Variants in EXOC4 observed in about 807,000 individuals in gnomAD.
EXOC4 encodes the protein SEC8-like 1.
EXOC4 carries 71 observed loss-of-function variants against 107.2 expected under a neutral mutation model. The ratio of observed to expected loss-of-function variants is 0.66; its 90% CI spans 0.55 to 0.81. The LOEUF (loss-of-function observed/expected upper bound fraction) is 0.81. EXOC4 is among the 30% of genes least tolerant of loss of function. The probability of loss-of-function intolerance (pLI) is 0.00; values close to 1 mark genes in which losing one functional copy is unlikely to be tolerated. For missense variants in EXOC4, 1,108 were observed against 1,189.6 expected (o/e 0.93, Z 1.01); for synonymous variants, 456 against 441.2 (o/e 1.03, Z -0.42).
intron 7 of EXOC4, among the ~76,000 whole-genome samples, chr7:133,392,106 C>T (rs186211072): frequency 6.6e-6 from 1 of 152,238 alleles, no homozygotes; most frequent in East Asian, 1.9e-4. Context: ...AGGATATTCC[C>T]CTAGGAAAAT....
chr7:133,403,242 C>T (rs1797134633), intron 7 of EXOC4, among the ~76,000 whole-genome samples: 1 of 152,202 alleles, frequency 6.6e-6, no homozygotes, highest in African/African-American at 2.4e-5. Context: ...ACTGTACACA[C>T]ATGTTCACAC....
At chr7:133,678,735 C>T (rs1794120354) in intron 10 of EXOC4, among the ~76,000 whole-genome samples, 1 of 152,092 alleles carries the variant, frequency 6.6e-6, no homozygotes, top group African/African-American at 2.4e-5. Flanking sequence ...CTCAGGCTCC[C>T]AGGTGGCTGG....
rs547702944 is a variant in EXOC4 at position 133,371,394 on chromosome 7, A to G, written c.1008-3434A>G. On this transcript the variant is annotated intron_variant, in intron 6 of 17. Coordinates refer to ENST00000253861, the MANE Select transcript of EXOC4 (RefSeq NM_021807.4). ...AACAAATCCCGTATACTTATCAGTCAGTTCCCACCCACCCCCAGCCTAAGT... is the reference window on the plus strand; with the variant it reads ...AACAAATCCCGTATACTTATCAGTCGGTTCCCACCCACCCCCAGCCTAAGT... Among the ~76,000 whole-genome samples, 6 of 152,286 alleles carry G rather than the reference A, an allele frequency of 3.9e-5. No individual in the cohort carries two copies. The South Asian group carries it at 1.2e-3, about 32-fold the overall frequency.
rs138061762 is a variant in EXOC4 at position 133,611,725 on chromosome 7, T to C, written c.1418-18320T>C. Among the ~76,000 whole-genome samples, 290 of 152,262 alleles carry C rather than the reference T, an allele frequency of 1.9e-3. 2 individuals carry two copies. The highest frequency in any genetic ancestry group is 6.4e-3 in the African/African-American group (267 of 41,548). Reference sequence around the variant, plus strand: ...TACCCATTCTTCAGGTCTCTGTGTGTCATTTCCATGAAATGAAGCCTGAAA... The same window carrying C: ...TACCCATTCTTCAGGTCTCTGTGTGCCATTTCCATGAAATGAAGCCTGAAA... On this transcript the variant is annotated intron_variant, in intron 9 of 17. Coordinates refer to ENST00000253861, the MANE Select transcript of EXOC4 (RefSeq NM_021807.4).
At position 133,665,765 on chromosome 7, in the gene EXOC4, T is replaced by C. The variant is rs568921052; in HGVS notation, c.1514+35624T>C. On this transcript the variant is annotated intron_variant, in intron 10 of 17. Coordinates refer to ENST00000253861, the MANE Select transcript of EXOC4 (RefSeq NM_021807.4). The stretch of plus-strand genomic sequence containing the variant: ...AATATAAAACCCTGGTATGACTCTT[T>C]TCTATAAATTCAGTTTTATTGCCTT... 1.4e-3 allele frequency among the ~76,000 whole-genome samples: 206 copies of C among 152,292 alleles called. 1 individual carries two copies. The highest frequency in any genetic ancestry group is 4.6e-3 in the African/African-American group (191 of 41,572).
At chr7:133,462,129 A>G (rs1004916659) in intron 7 of EXOC4, among the ~76,000 whole-genome samples, 5 of 152,190 alleles carry the variant, frequency 3.3e-5, no homozygotes, top group African/African-American at 1.2e-4. Flanking sequence ...AACATATTTT[A>G]CAATTTTCAT....
At chr7:134,097,962 C>A in the EXOC4 span, among the ~76,000 whole-genome samples, 1 of 152,120 alleles carries the variant, frequency 6.6e-6, no homozygotes, top group Non-Finnish European at 1.5e-5. Flanking sequence ...CTACTGGATT[C>A]TCAGATTCCA....
intron 11 of EXOC4, among the ~76,000 whole-genome samples, chr7:133,840,177 C>T (rs1049358153): frequency 2.6e-5 from 4 of 152,176 alleles, no homozygotes; most frequent in African/African-American, 9.7e-5. Flanking sequence ...GATACATTTT[C>T]ATATATACCT....
chr7:133,292,719 A>G (rs1178087490), intron 3 of EXOC4, among the ~76,000 whole-genome samples: 2 of 152,152 alleles, frequency 1.3e-5, no homozygotes, highest in Admixed American at 6.6e-5. Flanking sequence ...TCATTTTAAT[A>G]TAATTCCTTT....
In EXOC4 at chr7:133,907,823, G is replaced by A. The variant is rs10266345; in HGVS notation, c.1872-9760G>A. Among the ~76,000 whole-genome samples, 181 of 53,742 alleles carry A rather than the reference G, an allele frequency of 3.4e-3. 2 individuals are homozygous for A. The Middle Eastern group carries it at 0.04, about 12-fold the overall frequency. The allele number at this position is 53,742 out of a possible 152,430, so 35.3% of individuals were successfully genotyped here. The stretch of plus-strand genomic sequence containing the variant: ...AAAGAAAGAGAGAGAAGAAGGAGGA[G>A]GAGGAGGAAGAGGAGGAGAAGGAGA... On this transcript the variant is annotated intron_variant, in intron 12 of 17. Transcript: ENST00000253861.
chr7:133,927,198 G>T (rs986569675), intron 13 of EXOC4, among the ~76,000 whole-genome samples: 5 of 151,216 alleles, frequency 3.3e-5, no homozygotes, highest in Admixed American at 1.3e-4. Context: ...TACATGCATA[G>T]TAAGAAATTC....
intron 10 of EXOC4, among the ~76,000 whole-genome samples, chr7:133,713,302 A>G (rs1278504284): frequency 6.6e-6 from 1 of 152,224 alleles, no homozygotes; most frequent in Non-Finnish European, 1.5e-5. Context: ...AATATGGACC[A>G]TGTTCATTCC....
chr7:133,691,511 T>G (rs1467047287), intron 10 of EXOC4, among the ~76,000 whole-genome samples: 1 of 152,186 alleles, frequency 6.6e-6, no homozygotes, highest in Non-Finnish European at 1.5e-5. Flanking sequence ...ATAATACATA[T>G]TTACTGAGTA....
At chr7:133,813,030 C>T (rs1268650979) in intron 10 of EXOC4, among the ~76,000 whole-genome samples, 1 of 152,180 alleles carries the variant, frequency 6.6e-6, no homozygotes, top group Admixed American at 6.5e-5. Context: ...AGGTCCCTTG[C>T]CGCTCTGAAA....
chr7:133,254,787 G>C (rs7777691), intron 1 of EXOC4, among the ~76,000 whole-genome samples: 21,550 of 152,088 alleles, frequency 0.14, 3,102 homozygotes, highest in African/African-American at 0.36. Context: ...TGGAAATCCA[G>C]GAGGAGTGGC....
chr7:133,590,941 G>C (rs989384055), intron 9 of EXOC4, among the ~76,000 whole-genome samples: 4 of 152,176 alleles, frequency 2.6e-5, no homozygotes, highest in Non-Finnish European at 5.9e-5. Flanking sequence ...CACAGATCAT[G>C]GGCAGGGACC....
intron 10 of EXOC4, among the ~76,000 whole-genome samples, chr7:133,689,543 A>G (rs535361177): frequency 6.6e-6 from 1 of 152,340 alleles, no homozygotes; most frequent in Non-Finnish European, 1.5e-5. Context: ...ACTTGATAGG[A>G]TTATTGCTGA....
intron 10 of EXOC4, among the ~76,000 whole-genome samples, chr7:133,664,792 G>A (rs1793774907): frequency 6.6e-6 from 1 of 152,040 alleles, no homozygotes; most frequent in African/African-American, 2.4e-5. Flanking sequence ...ATGGGTCTCT[G>A]TAGGCTGAGC....
chr7:133,401,106 C>A (rs1384082447), intron 7 of EXOC4, among the ~76,000 whole-genome samples: 1 of 151,634 alleles, frequency 6.6e-6, no homozygotes, highest in Non-Finnish European at 1.5e-5. Flanking sequence ...CTGGGGTGTG[C>A]CTAAGAATCT....
Sources: gnomAD v4.1 joint callset for allele counts (sites outside exome capture counted in the v4.1 genomes callset) on GRCh38, gnomAD v4.1.1 for gene constraint, MANE v1.5 for transcripts, NCBI Gene and HGNC (gene_info 2026-07-23, HGNC 2026-07-21) for gene names.